Variants in CTNND2 observed in about 807,000 individuals in gnomAD.
CTNND2 encodes the protein catenin delta 2.
Under a neutral mutation model 144.4 loss-of-function variants are expected in CTNND2, and 22 were observed. That is an observed-to-expected ratio of 0.15 (90% CI 0.11 to 0.22). The LOEUF is 0.22. Ranked by LOEUF, CTNND2 falls within the 10% of genes least tolerant of loss-of-function variation. The pLI, the probability that CTNND2 is intolerant of heterozygous loss-of-function variation, is 1.00. For synonymous variants in CTNND2, 751 were observed against 695.6 expected (o/e 1.08, Z -1.25); for missense variants, 1,353 against 1,618.8 (o/e 0.84, Z 2.82).
intron 16 of CTNND2, chr5:11,027,137 T>C (rs1561192849): frequency 6.6e-6 from 1 of 152,192 alleles, no homozygotes; most frequent in Non-Finnish European, 1.5e-5. Context: ...TGCTTCTATT[T>C]TGAATAAATG....
chr5:11,327,522 ATTAAAC>A (rs1752645718), intron 9 of CTNND2, among the ~76,000 whole-genome samples: 1 of 152,222 alleles, frequency 6.6e-6, no homozygotes, highest in South Asian at 2.1e-4. Context: ...TGTCAACTAT[ATTAAAC>A]ACCTGGATTC....
chr5:11,897,074 G>A (rs927838794), intron 1 of CTNND2, among the ~76,000 whole-genome samples: 18 of 152,094 alleles, frequency 1.2e-4, no homozygotes, highest in African/African-American at 4.3e-4. Context: ...CTGTCTTTCT[G>A]GAGGATTCTT....
intron 1 of CTNND2, among the ~76,000 whole-genome samples, chr5:11,806,989 T>G (rs114744427): frequency 6.6e-6 from 1 of 152,084 alleles, no homozygotes; most frequent in African/African-American, 2.4e-5. Flanking sequence ...ATTCTCAAGT[T>G]GCTAATGGGT....
At chr5:11,658,635 C>T (rs1264084851) in intron 2 of CTNND2, among the ~76,000 whole-genome samples, 1 of 152,168 alleles carries the variant, frequency 6.6e-6, no homozygotes, top group Non-Finnish European at 1.5e-5. Flanking sequence ...AAAAACATTA[C>T]AGTCAATGTC....
At chr5:11,399,294 G>A (rs778399262) in intron 5 of CTNND2, among the ~76,000 whole-genome samples, 10 of 152,158 alleles carry the variant, frequency 6.6e-5, no homozygotes, top group East Asian at 1.9e-4. Context: ...CAGATACAAC[G>A]ACAGTGCACA....
intron 3 of CTNND2, among the ~76,000 whole-genome samples, chr5:11,419,643 A>G (rs1174737602): frequency 6.6e-6 from 1 of 152,170 alleles, no homozygotes; most frequent in Non-Finnish European, 1.5e-5. Flanking sequence ...CCCAAAGACA[A>G]CCTTTGAGTT....
chr5:11,053,361 A>G (rs1746039746), intron 16 of CTNND2, among the ~76,000 whole-genome samples: 1 of 152,242 alleles, frequency 6.6e-6, no homozygotes, highest in Non-Finnish European at 1.5e-5. Context: ...AAAGCAAAGC[A>G]TATTCAATAC....
At chr5:11,684,483 A>G (rs75434085) in intron 2 of CTNND2, among the ~76,000 whole-genome samples, 3,879 of 152,320 alleles carry the variant, frequency 0.025, 162 homozygotes, top group African/African-American at 0.088. Context: ...ATTGAAAAAA[A>G]TGATTATTTT....
chr5:11,400,350 C>T lies in CTNND2; in HGVS notation c.440-3147G>A, dbSNP rs529304841. On this transcript the variant is annotated intron_variant, in intron 5 of 21. Transcript: ENST00000304623. Reference sequence around the variant, plus strand: ...TAGACATCTGAACTGTGAGCAACAGCGGATCATCATGTCCTTCTTGGCCAC... The same window carrying T: ...TAGACATCTGAACTGTGAGCAACAGTGGATCATCATGTCCTTCTTGGCCAC... Among the ~76,000 whole-genome samples the T allele has an allele frequency of 7.2e-5, 11 of 152,254 alleles. 1 individual carries two copies. The South Asian group carries it at 1.0e-3, about 14-fold the overall frequency.
chr5:11,095,513 T>C (rs181909826), intron 15 of CTNND2, among the ~76,000 whole-genome samples: 17 of 152,346 alleles, frequency 1.1e-4, no homozygotes, highest in Non-Finnish European at 2.2e-4. Flanking sequence ...GGAAGACATA[T>C]AGACATGGAT....
At chr5:11,138,135 A>G (rs1460713744) in intron 12 of CTNND2, among the ~76,000 whole-genome samples, 1 of 152,162 alleles carries the variant, frequency 6.6e-6, no homozygotes, top group Non-Finnish European at 1.5e-5. Flanking sequence ...CCCAGCTTCT[A>G]GCAACTGTGT....
intron 1 of CTNND2, among the ~76,000 whole-genome samples, chr5:11,816,144 A>G (rs761546524): frequency 3.3e-5 from 5 of 152,206 alleles, no homozygotes; most frequent in African/African-American, 1.2e-4. Flanking sequence ...TGTCTGGAGA[A>G]ACCTACAAAC....
intron 10 of CTNND2, among the ~76,000 whole-genome samples, chr5:11,220,188 TA>T (rs569007579): frequency 0.019 from 2,749 of 145,460 alleles, 72 homozygotes; most frequent in African/African-American, 0.058. Flanking sequence ...TAAAAATCCA[TA>T]AAAAAAAAAA....
chr5:11,356,832 CA>C lies in CTNND2; in HGVS notation c.1372+7863del, dbSNP rs1002684532. Among the ~76,000 whole-genome samples, 326 of 138,816 alleles carry C rather than the reference CA, an allele frequency of 2.3e-3. 2 individuals carry two copies. Among genetic ancestry groups the C allele is most frequent in the African/African-American group, 4.4e-3 (166 of 38,000 alleles). 91.1% of individuals were successfully genotyped at this position (138,816 alleles called of 152,430 possible). Reference sequence around the variant, plus strand: ...ATAAGAAACTGCAACAACTCAACAGCAAAAAAAAAAAAGTTCCGATTTTAAA... The same window carrying C: ...ATAAGAAACTGCAACAACTCAACAGCAAAAAAAAAAAGTTCCGATTTTAAA... On this transcript the variant is annotated intron_variant, in intron 8 of 21. Coordinates refer to ENST00000304623, the MANE Select transcript of CTNND2 (RefSeq NM_001332.4).
intron 2 of CTNND2, among the ~76,000 whole-genome samples, chr5:11,712,749 C>G (rs972708162): frequency 6.6e-6 from 1 of 152,024 alleles, no homozygotes; most frequent in Non-Finnish European, 1.5e-5. Flanking sequence ...GTCGTTCATC[C>G]TAGAAATCAG....
At chr5:11,195,448 A>G (rs1264575961) in intron 11 of CTNND2, among the ~76,000 whole-genome samples, 1 of 152,224 alleles carries the variant, frequency 6.6e-6, no homozygotes, top group Non-Finnish European at 1.5e-5. Context: ...AGGTCTGGAG[A>G]GCAATATCCA....
intron 1 of CTNND2, 21 bp from the exon 2 acceptor site, chr5:11,732,293 A>T: frequency 6.2e-7 from 1 of 1,607,562 alleles, no homozygotes; most frequent in Non-Finnish European, 8.5e-7. Flanking sequence ...AGAGGACATG[A>T]TCAATACAAT....
rs79272654 is a variant in CTNND2, at chr5:11,646,007, G to T, written c.175-80951C>A. ...AATATTCAATATGCATAAAACATAT[G>T]ATTCCATTTTATGTATTTATCTCAG... On this transcript the variant is annotated intron_variant, in intron 2 of 21. Transcript: ENST00000304623. 4.2e-3 allele frequency among the ~76,000 whole-genome samples: 632 copies of T among 151,944 alleles called. 1 individual carries two copies. The highest frequency in any genetic ancestry group is 0.01 in the African/African-American group (433 of 41,438).
At chr5:11,736,556 G>A (rs1449378736) in intron 1 of CTNND2, among the ~76,000 whole-genome samples, 1 of 152,150 alleles carries the variant, frequency 6.6e-6, no homozygotes, top group Admixed American at 6.5e-5. Context: ...AGGTCACACA[G>A]AAGAGAGAGA....
Sources: gnomAD v4.1 joint callset for allele counts (sites outside exome capture counted in the v4.1 genomes callset) on GRCh38, gnomAD v4.1.1 for gene constraint, MANE v1.5 for transcripts, NCBI Gene and HGNC (gene_info 2026-07-23, HGNC 2026-07-21) for gene names.